NBAS: variants seen among roughly 807,000 people sequenced by gnomAD.
NBAS encodes NAG/BC035112 fusion.
In NBAS, 219 loss-of-function variants were observed where a neutral mutation model predicts 302.5. That is an observed-to-expected ratio of 0.72 (90% CI 0.65 to 0.81). NBAS has a LOEUF of 0.81. Ranked by LOEUF, NBAS falls within the 30% of genes least tolerant of loss-of-function variation. NBAS has a pLI of 0.00. For missense variants in NBAS, 2,932 were observed against 2,841.6 expected (o/e 1.03, Z -0.72); for synonymous variants, 1,118 against 1,021.6 (o/e 1.09, Z -1.80).
chr2:15,321,735 G>A (rs1395287832), intron 38 of NBAS, among the ~76,000 whole-genome samples: 1 of 152,060 alleles, frequency 6.6e-6, no homozygotes, highest in Non-Finnish European at 1.5e-5. Flanking sequence ...TAAAAAGTCA[G>A]GAAACAGATG....
the NBAS span, among the ~76,000 whole-genome samples, chr2:14,834,070 T>C: frequency 1.3e-5 from 2 of 152,174 alleles, no homozygotes; most frequent in Non-Finnish European, 2.9e-5. Context: ...TGATTATATC[T>C]CTGCATGGCA....
intron 30 of NBAS, among the ~76,000 whole-genome samples, chr2:15,375,976 A>G (rs1275575666): frequency 2.0e-5 from 3 of 152,176 alleles, no homozygotes; most frequent in African/African-American, 7.2e-5. Flanking sequence ...ATGATTTAAG[A>G]AAGAAGAGGT....
intron 28 of NBAS, among the ~76,000 whole-genome samples, chr2:15,389,547 A>G (rs1675485606): frequency 6.6e-6 from 1 of 152,218 alleles, no homozygotes; most frequent in African/African-American, 2.4e-5. Flanking sequence ...TCCCGAGTCA[A>G]GATAATTTCC....
chr2:15,032,800 A>T, the NBAS span, among the ~76,000 whole-genome samples: 1 of 152,220 alleles, frequency 6.6e-6, no homozygotes. Flanking sequence ...CTGAGAAGGA[A>T]TGAAGGAAGG....
chr2:15,526,536 G>T (rs748131698), intron 9 of NBAS, among the ~76,000 whole-genome samples: 6 of 152,022 alleles, frequency 3.9e-5, no homozygotes, highest in Non-Finnish European at 8.8e-5. Context: ...ATAAAAATGT[G>T]ATGAATATTT....
rs145163526 is a variant in NBAS at position 15,475,789 on chromosome 2, T to C, written c.1239A>G (p.Ser413=). 2.5e-4 allele frequency: 397 copies of C among 1,613,974 alleles called. No homozygotes were observed. Among genetic ancestry groups the C allele is most frequent in the Middle Eastern group, 6.6e-4 (4 of 6,084 alleles). The change falls in exon 14 of 52, where the codon TCA becomes TCG. Residue 413 remains serine, a synonymous_variant. Transcript: ENST00000281513. ...GTAAATTCTTCAAAGTTTTCACAGA[T>C]GAAACAGTTAAAGCACCAGAGCATC... The part of the protein sequence containing the change: ...LARCSGALTV[S]SVKTLKNLLG...
At chr2:15,417,739 C>G (rs1326171809) in intron 23 of NBAS, 27 bp from the exon 24 acceptor site, 3 of 1,598,426 alleles carry the variant, frequency 1.9e-6, no homozygotes, top group Non-Finnish European at 2.6e-6. Flanking sequence ...ACAATAAGTT[C>G]CTGAGTATTA....
At chr2:15,028,380 G>A in the NBAS span, among the ~76,000 whole-genome samples, 5 of 152,136 alleles carry the variant, frequency 3.3e-5, no homozygotes, top group Non-Finnish European at 7.4e-5. Context: ...CAAAATTGGA[G>A]AACTATTATC....
At chr2:15,151,405 C>T in the NBAS span, among the ~76,000 whole-genome samples, 1 of 152,220 alleles carries the variant, frequency 6.6e-6, no homozygotes, top group East Asian at 1.9e-4. Flanking sequence ...GCTCCTGTGG[C>T]TTGGCATCAA....
At position 15,403,576 on chromosome 2, in the gene NBAS, G is replaced by T. The variant is rs549576205; in HGVS notation, c.2938-1275C>A. 3.9e-5 allele frequency among the ~76,000 whole-genome samples: 6 copies of T among 152,240 alleles called. No individual in the cohort carries two copies. The South Asian group carries it at 1.2e-3, about 32-fold the overall frequency. ...ACAGAAGATTTAAAGTATACAAGAG[G>T]ATGTGCAAAGGTTATCACAAATACT... On this transcript the variant is annotated intron_variant, in intron 25 of 51. Coordinates refer to ENST00000281513, the MANE Select transcript of NBAS (RefSeq NM_015909.4).
At chr2:14,824,517 A>C in the NBAS span, among the ~76,000 whole-genome samples, 3 of 152,092 alleles carry the variant, frequency 2.0e-5, no homozygotes, top group Non-Finnish European at 1.5e-5. Context: ...CAATAAATCT[A>C]CACTTTTGTT....
chr2:15,282,060 G>A (rs1041968231), intron 42 of NBAS, among the ~76,000 whole-genome samples: 1 of 152,160 alleles, frequency 6.6e-6, no homozygotes, highest in Non-Finnish European at 1.5e-5. Context: ...TTTAACAACT[G>A]TGTAAGACCT....
intron 48 of NBAS, among the ~76,000 whole-genome samples, chr2:15,217,132 G>T (rs977112085): frequency 1.3e-5 from 2 of 152,168 alleles, no homozygotes; most frequent in Admixed American, 1.3e-4. Context: ...CGTGTCCCTA[G>T]CCTGCTCTTT....
the NBAS span, among the ~76,000 whole-genome samples, chr2:14,982,498 C>A: frequency 6.6e-6 from 1 of 152,050 alleles, no homozygotes; most frequent in East Asian, 1.9e-4. Flanking sequence ...TATGGAGAAT[C>A]CCAGGTTAAG....
At chr2:15,010,563 G>T in the NBAS span, among the ~76,000 whole-genome samples, 3 of 152,134 alleles carry the variant, frequency 2.0e-5, no homozygotes, top group East Asian at 5.8e-4. Flanking sequence ...TAGTCACATT[G>T]GTCCTCAAAG....
chr2:14,951,246 A>T, the NBAS span, among the ~76,000 whole-genome samples: 1 of 152,310 alleles, frequency 6.6e-6, no homozygotes, highest in South Asian at 2.1e-4. Flanking sequence ...AGCTATCCAA[A>T]TGAGGAAGAG....
chr2:15,496,442 G>A (rs1435934758), intron 11 of NBAS, among the ~76,000 whole-genome samples: 2 of 152,136 alleles, frequency 1.3e-5, no homozygotes. Flanking sequence ...AAAAACCTCT[G>A]AATTGTATAA....
At chr2:15,180,576 C>T (rs918379977) in intron 50 of NBAS, among the ~76,000 whole-genome samples, 1 of 152,208 alleles carries the variant, frequency 6.6e-6, no homozygotes, top group Non-Finnish European at 1.5e-5. Context: ...GTGGCCTCTT[C>T]CTCCTCCTCT....
At chr2:14,804,718 C>T in the NBAS span, among the ~76,000 whole-genome samples, 4 of 152,028 alleles carry the variant, frequency 2.6e-5, no homozygotes, top group Admixed American at 1.3e-4. Flanking sequence ...CAGGCTCTAA[C>T]AGAGATTTTC....
Sources: gnomAD v4.1 joint callset for allele counts (sites outside exome capture counted in the v4.1 genomes callset) on GRCh38, gnomAD v4.1.1 for gene constraint, MANE v1.5 for transcripts, NCBI Gene and HGNC (gene_info 2026-07-23, HGNC 2026-07-21) for gene names.